Variants in FGA observed in about 807,000 individuals in gnomAD.
FGA encodes fibrinogen alpha chain.
Under a neutral mutation model 20.3 loss-of-function variants are expected in FGA, and 20 were observed. The observed-to-expected ratio is 0.99, with a 90% CI of 0.69 to 1.43. The LOEUF is 1.43. Ranked by LOEUF, FGA falls within the 40% of genes most tolerant of loss-of-function variation. FGA has a pLI of 0.00. For synonymous variants in FGA, 306 were observed against 281.6 expected, an observed-to-expected ratio of 1.09 and a Z score of -0.87; for missense variants, 777 against 784.7, an observed-to-expected ratio of 0.99 and a Z score of 0.12.
At chr4:154,583,816 C>T, downstream of FGA, 2 of 325,340 alleles carry the variant, frequency 6.1e-6, no homozygotes, top group Non-Finnish European at 1.1e-5. Flanking sequence ...GTTCTCAAAC[C>T]AATAGTCTTC....
chr4:154,585,817 C>T lies in FGA; in HGVS notation c.1612G>A (p.Gly538Arg), dbSNP rs370135141. The change falls in exon 5 of 5, where the codon GGA becomes AGA. Residue 538 changes from glycine to arginine, a missense_variant. Gly to Arg is a moderately radical substitution (Grantham distance 125, BLOSUM62 -2). Coordinates refer to ENST00000403106, the MANE Select transcript of FGA (RefSeq NM_021871.4). Reference protein sequence around the residue: ...TFPGFFSPMLGEFVSETESRG... With the variant: ...TFPGFFSPMLREFVSETESRG... Reference sequence around the variant, plus strand: ...GACTCAGTCTCACTGACAAACTCTCCTAACATAGGTGAGAAGAAACCTGGG... The same window carrying T: ...GACTCAGTCTCACTGACAAACTCTCTTAACATAGGTGAGAAGAAACCTGGG... The T allele has an allele frequency of 1.7e-4, 272 of 1,614,044 alleles. No individual in the cohort carries two copies. Among genetic ancestry groups the T allele is most frequent in the Non-Finnish European group, 2.3e-4 (268 of 1,180,026 alleles).
chr4:154,587,496 A>G lies in FGA; in HGVS notation c.510+16T>C, dbSNP rs147211930. 6.2e-7 allele frequency: 1 copy of G among 1,613,204 alleles called. No individual in the cohort carries two copies. The highest frequency in any genetic ancestry group is 8.5e-7 in the Non-Finnish European group (1 of 1,179,414). On this transcript the variant is annotated intron_variant, in intron 4 of 4. Coordinates refer to ENST00000403106, the MANE Select transcript of FGA (RefSeq NM_021871.4). The stretch of plus-strand genomic sequence containing the variant: ...CTCAGAAACAAGGACATCTGGGACC[A>G]CAGCCACATACTTACCTCCAGTCGT...
At chr4:154,584,155 C>G (rs376940583), downstream of FGA, 8 of 1,522,520 alleles carry the variant, frequency 5.3e-6, no homozygotes, top group African/African-American at 1.7e-5. Flanking sequence ...AATTTTCATG[C>G]GAACAGCCCT....
downstream of FGA, chr4:154,583,566 A>G (rs1730636818): frequency 6.6e-6 from 1 of 152,586 alleles, no homozygotes; most frequent in Non-Finnish European, 1.5e-5. Flanking sequence ...ATTTATATTT[A>G]GGAAAGAATG....
Position 154,589,424 on chromosome 4 carries a change from G to C in FGA, c.180+13C>G, listed in dbSNP as rs370478422. On this transcript the variant is annotated intron_variant, in intron 2 of 4. Coordinates refer to ENST00000403106, the MANE Select transcript of FGA (RefSeq NM_021871.4). ...AGGGAAGGAATCTCCTGCTTCCCCC[G>C]CTGACTGCTTACCCAGTCTTCATCA... 6.2e-7 allele frequency: 1 copy of C among 1,613,452 alleles called. No homozygotes were observed. The highest frequency in any genetic ancestry group is 8.5e-7 in the Non-Finnish European group (1 of 1,179,928).
chr4:154,586,310 C>T lies in FGA; in HGVS notation c.1119G>A (p.Trp373Ter), dbSNP rs745804153. Residue 373 changes from tryptophan (W) to a stop codon, truncating the protein, a stop_gained, in exon 5 of 5, where the codon TGG (tryptophan) becomes TGA (stop). Transcript: ENST00000403106. LOFTEE classifies it low-confidence loss of function (END_TRUNC). ...TACCAGATACAGAGCTCTCAGAGGT[C>T]CAGTGCCCAGCACTTCCGCGTTCAG... ...GSSERGSAGH[W>*]TSESSVSGST... The T allele has an allele frequency of 5.0e-6, 8 of 1,614,188 alleles. No individual in the cohort carries two copies. The South Asian group carries it at 5.5e-5, about 11-fold the overall frequency.
intron 4 of FGA, 104 bp from the exon 5 acceptor site, chr4:154,587,022 T>A: frequency 1.8e-6 from 2 of 1,131,354 alleles, no homozygotes; most frequent in Non-Finnish European, 2.6e-6. Context: ...ACTGGTTTCA[T>A]TTTTTTTGAC....
At position 154,589,472 on chromosome 4, in the gene FGA, C is replaced by G. The variant is rs755864144; in HGVS notation, c.145G>C (p.Asp49His). 7.4e-6 allele frequency: 12 copies of G among 1,614,040 alleles called. No individual in the cohort carries two copies. Among genetic ancestry groups the G allele is most frequent in the Non-Finnish European group, 9.3e-6 (11 of 1,180,030 alleles). The change falls in exon 2 of 5, where the codon GAT (aspartate) becomes CAT (histidine). Residue 49 changes from aspartate (D) to histidine (H), a missense_variant. Transcript: ENST00000403106. ...TCAGAGCAGAAGGGCCAGTCTGAAT[C>G]TTTGCAGGCAGATTGATGTCTTTCC... ...VVERHQSACKDSDWPFCSDED... is the reference protein window; with the variant it reads ...VVERHQSACKHSDWPFCSDED...
At chr4:154,588,605 C>T (rs1486532902) in intron 3 of FGA, among the ~76,000 whole-genome samples, 188 bp downstream of exon 3, 2 of 152,116 alleles carry the variant, frequency 1.3e-5, no homozygotes, top group Non-Finnish European at 2.9e-5. Flanking sequence ...CAGTTAACAT[C>T]TTTTACTTTG....
At chr4:154,589,172 C>T (rs1263583348) in intron 2 of FGA, among the ~76,000 whole-genome samples, 196 bp from the exon 3 acceptor site, 4 of 152,050 alleles carry the variant, frequency 2.6e-5, no homozygotes, top group Non-Finnish European at 4.4e-5. Context: ...AATTAGGTGC[C>T]AGGAAATTGA....
chr4:154,584,263 T>C (rs1730654251), downstream of FGA: 9 of 1,614,098 alleles, frequency 5.6e-6, no homozygotes, highest in South Asian at 1.1e-5. Flanking sequence ...CCCAGGGTAG[T>C]AGATTCCATT....
At chr4:154,584,256 A>G (rs1730653942), downstream of FGA, 1 of 1,614,126 alleles carries the variant, frequency 6.2e-7, no homozygotes, top group East Asian at 2.2e-5. Flanking sequence ...AGGAGCCCCC[A>G]GGGTAGTAGA....
At position 154,587,675 on chromosome 4, in the gene FGA, G is replaced by T; in HGVS notation, c.365-18C>A. 1 of 1,610,080 alleles carries T rather than the reference G, an allele frequency of 6.2e-7. No homozygotes were observed. The highest frequency in any genetic ancestry group is 1.3e-5 in the African/African-American group (1 of 74,600). On this transcript the variant is annotated intron_variant, in intron 3 of 4. Transcript: ENST00000403106. ...ATCACGGTCTGAAATCGAAAATATGGTTATTGAAGTAGCTGCTGAGTGATT... is the reference window on the plus strand; with the variant it reads ...ATCACGGTCTGAAATCGAAAATATGTTTATTGAAGTAGCTGCTGAGTGATT...
downstream of FGA, chr4:154,584,452 T>C (rs371718702): frequency 1.9e-6 from 3 of 1,614,052 alleles, no homozygotes; most frequent in Non-Finnish European, 2.5e-6. Context: ...AGTGCCTTCA[T>C]AGGAGGAGAC....
rs181612102 is a variant in FGA at position 154,587,453 on chromosome 4, G to A, written c.510+59C>T. 2.8e-5 allele frequency: 41 copies of A among 1,473,540 alleles called. No homozygotes were observed. The East Asian group carries it at 4.3e-4, about 15-fold the overall frequency. The allele number at this position is 1,473,540 out of a possible 1,614,324, so 91.3% of individuals were successfully genotyped here. ...AGTAGACACTCAGTGCATAACTATC[G>A]CCTTCCTTTTCCCTCTACTCAGAAA... On this transcript the variant is annotated intron_variant, in intron 4 of 4. Coordinates refer to ENST00000403106, the MANE Select transcript of FGA (RefSeq NM_021871.4).
Position 154,585,918 on chromosome 4 carries a change from C to G in FGA, c.1511G>C (p.Gly504Ala). The G allele has an allele frequency of 6.2e-7, 1 of 1,614,076 alleles. No homozygotes were observed. The stretch of plus-strand genomic sequence containing the variant: ...CCTATGGCGGAACCCATCCAGAGTA[C>G]CTATGCCAGACAATGTGCCTAAATC... Reference protein sequence around the residue: ...AMDLGTLSGIGTLDGFRHRHP... With the variant: ...AMDLGTLSGIATLDGFRHRHP... The change falls in exon 5 of 5, where the codon GGT (glycine) becomes GCT (alanine). Residue 504 changes from glycine to alanine, a missense_variant. Transcript: ENST00000403106.
chr4:154,588,731 A>G (rs1458904168), intron 3 of FGA, 62 bp downstream of exon 3: 29 of 1,182,576 alleles, frequency 2.5e-5, no homozygotes, highest in Non-Finnish European at 3.7e-5. Context: ...CGGATATCAT[A>G]TTTATTTAGG....
downstream of FGA, chr4:154,583,220 A>G (rs1390952556): frequency 2.0e-5 from 3 of 152,224 alleles, no homozygotes; most frequent in Non-Finnish European, 2.9e-5. Context: ...CAAGACCACC[A>G]GGATTAAAGA....
intron 3 of FGA, 132 bp from the exon 4 acceptor site, chr4:154,587,789 A>T (rs1402127803): frequency 3.4e-5 from 25 of 725,224 alleles, no homozygotes; most frequent in Non-Finnish European, 5.5e-5. Flanking sequence ...GAAAGAAAGA[A>T]AGAAAGAAAG....
Sources: gnomAD v4.1 joint callset for allele counts (sites outside exome capture counted in the v4.1 genomes callset) on GRCh38, gnomAD v4.1.1 for gene constraint, MANE v1.5 for transcripts, NCBI Gene and HGNC (gene_info 2026-07-23, HGNC 2026-07-21) for gene names.